The following NCOA1 variants were observed in gnomAD, a reference collection of about 807,000 sequenced individuals.
The protein encoded by NCOA1 is nuclear receptor coactivator 1.
A neutral mutation model predicts 150.9 loss-of-function variants in NCOA1; 35 were observed. That is an observed-to-expected ratio of 0.23 (90% CI 0.18 to 0.31). NCOA1 has a LOEUF of 0.31. NCOA1 is among the 10% of genes least tolerant of loss of function. NCOA1 has a pLI of 1.00. For missense variants in NCOA1, 1,491 were observed against 1,749.3 expected, an observed-to-expected ratio of 0.85 and a Z score of 2.63; for synonymous variants, 590 against 630.0, an observed-to-expected ratio of 0.94 and a Z score of 0.95.
intron 19 of NCOA1, among the ~76,000 whole-genome samples, chr2:24,742,542 C>CA (rs1663660513): frequency 6.6e-6 from 1 of 151,870 alleles, no homozygotes; most frequent in African/African-American, 2.4e-5. Context: ...CTGCATCCTC[C>CA]ACCTCCTGGG....
At chr2:24,718,795 G>C (rs1674196861) in intron 14 of NCOA1, among the ~76,000 whole-genome samples, 2 of 151,244 alleles carry the variant, frequency 1.3e-5, no homozygotes, top group African/African-American at 2.4e-5. Context: ...CCTGAACCCG[G>C]GAGGCAGAGC....
chr2:24,614,025 A>G (rs1035314808), intron 3 of NCOA1, among the ~76,000 whole-genome samples: 2 of 151,156 alleles, frequency 1.3e-5, no homozygotes, highest in Non-Finnish European at 2.9e-5. Flanking sequence ...TCCTGGTGTT[A>G]TTGTCCTTCT....
intron 3 of NCOA1, among the ~76,000 whole-genome samples, chr2:24,591,777 T>A (rs571516114): frequency 1.3e-5 from 2 of 152,218 alleles, no homozygotes; most frequent in East Asian, 1.9e-4. Context: ...CTCTCATTTT[T>A]AAATTTTTAT....
chr2:24,619,014 T>C (rs911767234), intron 3 of NCOA1, among the ~76,000 whole-genome samples: 1 of 152,228 alleles, frequency 6.6e-6, no homozygotes, highest in Admixed American at 6.5e-5. Context: ...TTACTACTTA[T>C]GTTACCATTA....
At chr2:24,621,704 T>C (rs1339294639) in intron 3 of NCOA1, among the ~76,000 whole-genome samples, 1 of 152,100 alleles carries the variant, frequency 6.6e-6, no homozygotes, top group Non-Finnish European at 1.5e-5. Flanking sequence ...GGTCTCAAAC[T>C]CCAGACCTCG....
intron 1 of NCOA1, among the ~76,000 whole-genome samples, chr2:24,562,541 G>A (rs1666330318): frequency 6.6e-6 from 1 of 152,186 alleles, no homozygotes. Context: ...GGCTGGAAGA[G>A]GTAGAGTGGC....
At chr2:24,633,809 T>G (rs994932578) in intron 3 of NCOA1, among the ~76,000 whole-genome samples, 22 of 152,202 alleles carry the variant, frequency 1.4e-4, no homozygotes, top group African/African-American at 4.3e-4. Flanking sequence ...TATGCAAATA[T>G]TACAATCTAG....
At chr2:24,703,005 C>T (rs1037712622) in intron 11 of NCOA1, among the ~76,000 whole-genome samples, 3 of 152,208 alleles carry the variant, frequency 2.0e-5, no homozygotes, top group African/African-American at 7.2e-5. Flanking sequence ...TGACTCAGAA[C>T]ATAAATACTT....
chr2:24,660,936 C>T (rs1454803363), intron 5 of NCOA1, among the ~76,000 whole-genome samples: 1 of 152,008 alleles, frequency 6.6e-6, no homozygotes, highest in Non-Finnish European at 1.5e-5. Context: ...TGCCGGGCAT[C>T]TGTAATCCCA....
chr2:24,604,080 G>T (rs768226715), intron 3 of NCOA1, among the ~76,000 whole-genome samples: 1 of 152,202 alleles, frequency 6.6e-6, no homozygotes, highest in African/African-American at 2.4e-5. Context: ...GTGGCCAGGT[G>T]CATTGTGAAT....
At chr2:24,677,118 C>G (rs1247117021) in intron 7 of NCOA1, among the ~76,000 whole-genome samples, 1 of 151,942 alleles carries the variant, frequency 6.6e-6, no homozygotes, top group Non-Finnish European at 1.5e-5. Flanking sequence ...CCACGGCAGG[C>G]GGATCACTTG....
At chr2:24,693,639 A>G in intron 10 of NCOA1, among the ~76,000 whole-genome samples, 1 of 152,180 alleles carries the variant, frequency 6.6e-6, no homozygotes, top group Admixed American at 6.5e-5. Context: ...AATTGAGAAG[A>G]TATAGATATG....
chr2:24,525,846 C>T (rs1664631763), intron 1 of NCOA1, among the ~76,000 whole-genome samples: 1 of 152,122 alleles, frequency 6.6e-6, no homozygotes, highest in Non-Finnish European at 1.5e-5. Flanking sequence ...CCGAGCCCGA[C>T]CTTATGTTAG....
intron 4 of NCOA1, among the ~76,000 whole-genome samples, chr2:24,656,271 C>G (rs1387515270): frequency 6.6e-6 from 1 of 152,092 alleles, no homozygotes; most frequent in Non-Finnish European, 1.5e-5. Flanking sequence ...AGGATTTAAA[C>G]AAAGTTTTTC....
chr2:24,568,586 A>G (rs1454133414), intron 2 of NCOA1, among the ~76,000 whole-genome samples: 7 of 152,212 alleles, frequency 4.6e-5, no homozygotes, highest in Non-Finnish European at 1.0e-4. Flanking sequence ...TTAGTGTGAA[A>G]TTAATGAATG....
chr2:24,580,019 A>G (rs1207011671), intron 2 of NCOA1, among the ~76,000 whole-genome samples: 1 of 152,180 alleles, frequency 6.6e-6, no homozygotes, highest in East Asian at 1.9e-4. Flanking sequence ...GCAAAAATAG[A>G]CACAGATGAT....
chr2:24,735,709 A>G (rs903111732), intron 17 of NCOA1, among the ~76,000 whole-genome samples: 19 of 152,176 alleles, frequency 1.2e-4, no homozygotes, highest in African/African-American at 4.3e-4. Context: ...AAACTAGTGT[A>G]TCTGTATTGG....
chr2:24,528,870 A>G (rs17046375), intron 1 of NCOA1, among the ~76,000 whole-genome samples: 7,872 of 152,098 alleles, frequency 0.052, 291 homozygotes, highest in East Asian at 0.2. Context: ...TGTTATCAAC[A>G]GATATGATGA....
intron 4 of NCOA1, among the ~76,000 whole-genome samples, chr2:24,653,549 A>G (rs1044296287): frequency 1.3e-5 from 2 of 152,188 alleles, no homozygotes; most frequent in Non-Finnish European, 2.9e-5. Context: ...TTTTTAATTC[A>G]TCACCTATTT....
Sources: gnomAD v4.1 joint callset for allele counts (sites outside exome capture counted in the v4.1 genomes callset) on GRCh38, gnomAD v4.1.1 for gene constraint, MANE v1.5 for transcripts, NCBI Gene and HGNC (gene_info 2026-07-23, HGNC 2026-07-21) for gene names.